GALNT10: variants seen among roughly 807,000 people sequenced by gnomAD.
The protein encoded by GALNT10 is GalNAc transferase 10.
GALNT10 carries 41 observed loss-of-function variants against 75.0 expected under a neutral mutation model. The observed-to-expected ratio is 0.55, with a 90% confidence interval of 0.43 to 0.71. The LOEUF (loss-of-function observed/expected upper bound fraction) is 0.71, where lower values mean the gene tolerates loss of function less well. Ranked by LOEUF, GALNT10 falls within the 30% of genes least tolerant of loss-of-function variation. The pLI, the probability that GALNT10 is intolerant of heterozygous loss-of-function variation, is 0.00. For synonymous variants in GALNT10, 302 were observed against 313.0 expected (o/e 0.96, Z 0.37); for missense variants, 727 against 818.5 (o/e 0.89, Z 1.36).
At chr5:154,393,265 G>A (rs182828886) in intron 7 of GALNT10, among the ~76,000 whole-genome samples, 99 of 152,020 alleles carry the variant, frequency 6.5e-4, no homozygotes, top group African/African-American at 2.3e-3. Flanking sequence ...GTAATGACAG[G>A]GTCTCCATAT....
chr5:154,391,153 G>A (rs1755889960), intron 7 of GALNT10, among the ~76,000 whole-genome samples: 1 of 152,180 alleles, frequency 6.6e-6, no homozygotes, highest in Admixed American at 6.5e-5. Flanking sequence ...GGGAACAGGT[G>A]AGCCCATTCA....
rs971999755 is a variant in GALNT10, at chr5:154,313,933, TAGTC to T, written c.402-15635_402-15632del. On this transcript the variant is annotated intron_variant, in intron 3 of 11. Coordinates refer to ENST00000297107, the MANE Select transcript of GALNT10 (RefSeq NM_198321.4). Reference sequence around the variant, plus strand: ...GGTGGAGCTGTCTCTGACTTCCACTTAGTCAGTTTCTTGATGGCTCCAAGACGAC... The same window carrying T: ...GGTGGAGCTGTCTCTGACTTCCACTTAGTTTCTTGATGGCTCCAAGACGAC... Among the ~76,000 whole-genome samples, 4 of 152,322 alleles carry T rather than the reference TAGTC, an allele frequency of 2.6e-5. No homozygotes were observed. The South Asian group carries it at 8.3e-4, about 32-fold the overall frequency.
chr5:154,379,673 G>A (rs1159337588), intron 5 of GALNT10, among the ~76,000 whole-genome samples: 1 of 152,178 alleles, frequency 6.6e-6, no homozygotes, highest in African/African-American at 2.4e-5. Context: ...GGACAGACTC[G>A]ATTTTCTAGA....
At chr5:154,397,058 C>T (rs1185611375) in intron 7 of GALNT10, among the ~76,000 whole-genome samples, 2 of 150,568 alleles carry the variant, frequency 1.3e-5, no homozygotes, top group African/African-American at 2.4e-5. Flanking sequence ...ACCTGGGAGC[C>T]GGAGGTTGCA....
intron 3 of GALNT10, among the ~76,000 whole-genome samples, chr5:154,302,417 G>A (rs768767551): frequency 5.9e-5 from 9 of 152,334 alleles, no homozygotes; most frequent in East Asian, 1.9e-4. Flanking sequence ...CCAAGTGAGC[G>A]TGAACAGTGG....
intron 4 of GALNT10, among the ~76,000 whole-genome samples, chr5:154,358,165 G>A (rs957955110): frequency 5.3e-5 from 8 of 152,192 alleles, no homozygotes; most frequent in African/African-American, 1.9e-4. Flanking sequence ...ACACTGGGAG[G>A]GAATTGTGTG....
chr5:154,221,196 A>G (rs1164720896), intron 1 of GALNT10, among the ~76,000 whole-genome samples: 1 of 152,246 alleles, frequency 6.6e-6, no homozygotes, highest in Non-Finnish European at 1.5e-5. Flanking sequence ...AGGTAATGTT[A>G]TAACAGACAA....
At chr5:154,218,557 G>C (rs541557460) in intron 1 of GALNT10, among the ~76,000 whole-genome samples, 3 of 152,286 alleles carry the variant, frequency 2.0e-5, no homozygotes, top group South Asian at 4.2e-4. Flanking sequence ...CTAACCACAA[G>C]TAAGTTATTA....
At chr5:154,408,825 T>C (rs1756336342) in intron 8 of GALNT10, among the ~76,000 whole-genome samples, 1 of 152,106 alleles carries the variant, frequency 6.6e-6, no homozygotes, top group Non-Finnish European at 1.5e-5. Context: ...CCAAATCAAA[T>C]TGGCTTAGCG....
At chr5:154,237,661 C>T (rs1753267187) in intron 1 of GALNT10, among the ~76,000 whole-genome samples, 1 of 152,210 alleles carries the variant, frequency 6.6e-6, no homozygotes, top group South Asian at 2.1e-4. Context: ...GTTTATCAGA[C>T]TTCACCTTGT....
At chr5:154,216,355 G>A (rs904948655) in intron 1 of GALNT10, among the ~76,000 whole-genome samples, 1 of 152,152 alleles carries the variant, frequency 6.6e-6, no homozygotes, top group Non-Finnish European at 1.5e-5. Flanking sequence ...ATAATCCTGA[G>A]ATTATAGGGC....
At chr5:154,328,232 G>A (rs975713219) in intron 3 of GALNT10, among the ~76,000 whole-genome samples, 3 of 152,132 alleles carry the variant, frequency 2.0e-5, no homozygotes, top group African/African-American at 7.2e-5. Context: ...AAACCAACTA[G>A]ATGTTTGATG....
intron 4 of GALNT10, among the ~76,000 whole-genome samples, chr5:154,340,491 G>A (rs1325525086): frequency 6.6e-6 from 1 of 152,068 alleles, no homozygotes; most frequent in Non-Finnish European, 1.5e-5. Flanking sequence ...ATATGAAATG[G>A]CTCCAGCATG....
chr5:154,263,662 T>G (rs1416024772), intron 1 of GALNT10, among the ~76,000 whole-genome samples: 2 of 152,180 alleles, frequency 1.3e-5, no homozygotes, highest in Non-Finnish European at 2.9e-5. Context: ...AGGGCCCGCT[T>G]TCTAGTTCGT....
At chr5:154,340,601 C>T (rs539667031) in intron 4 of GALNT10, among the ~76,000 whole-genome samples, 4 of 152,268 alleles carry the variant, frequency 2.6e-5, no homozygotes, top group African/African-American at 9.6e-5. Flanking sequence ...AAATGAAGCA[C>T]GTTGGCCAAA....
At chr5:154,361,941 A>G (rs1237375502) in intron 4 of GALNT10, among the ~76,000 whole-genome samples, 1 of 152,202 alleles carries the variant, frequency 6.6e-6, no homozygotes, top group Non-Finnish European at 1.5e-5. Flanking sequence ...CAAGACTCAC[A>G]TCACACCACC....
At chr5:154,407,302 T>A (rs1270465070) in intron 8 of GALNT10, among the ~76,000 whole-genome samples, 1 of 152,166 alleles carries the variant, frequency 6.6e-6, no homozygotes. Context: ...AGGTCCTTTT[T>A]ATGTCTCTAA....
intron 1 of GALNT10, among the ~76,000 whole-genome samples, chr5:154,282,325 C>T (rs748036045): frequency 2.8e-4 from 42 of 152,216 alleles, no homozygotes; most frequent in Non-Finnish European, 5.3e-4. Flanking sequence ...TTCCAACACA[C>T]AAACTTTGGG....
intron 1 of GALNT10, among the ~76,000 whole-genome samples, chr5:154,211,594 A>G (rs1239264797): frequency 6.6e-6 from 1 of 152,134 alleles, no homozygotes; most frequent in African/African-American, 2.4e-5. Flanking sequence ...CACAACAAAC[A>G]TTTGTTATCT....
Sources: allele counts gnomAD v4.1 joint callset (sites outside exome capture counted in the v4.1 genomes callset), GRCh38; gene constraint gnomAD v4.1.1; transcripts MANE v1.5; gene names NCBI Gene and HGNC (gene_info 2026-07-23, HGNC 2026-07-21).